Variants in ABCA6 observed in about 807,000 individuals in gnomAD.
The protein encoded by ABCA6 is ATP-binding cassette sub-family A member 6.
A neutral mutation model predicts 191.2 loss-of-function variants in ABCA6; 164 were observed. The ratio of observed to expected loss-of-function variants is 0.86; its 90% CI spans 0.76 to 0.98. The LOEUF is 0.98. Among genes scored for constraint, ABCA6 ranks in the 50% least tolerant of loss-of-function variants. The pLI is 0.00. For missense variants in ABCA6, 1,958 were observed against 1,894.1 expected (o/e 1.03, Z -0.63); for synonymous variants, 636 against 647.7 (o/e 0.98, Z 0.27).
intron 20 of ABCA6, chr17:69,104,440 C>T (rs1332553044): frequency 6.6e-6 from 1 of 151,786 alleles, no homozygotes; most frequent in African/African-American, 2.4e-5. Context: ...AAATGGAAAA[C>T]AAGAATGAGA....
chr17:69,128,499 TA>T, intron 8 of ABCA6, 119 bp downstream of exon 8: 1 of 685,276 alleles, frequency 1.5e-6, no homozygotes, highest in Non-Finnish European at 2.1e-6. Flanking sequence ...TTTTAAAGCT[TA>T]ACTTTAGAAA....
intron 8 of ABCA6, 71 bp downstream of exon 8, chr17:69,128,548 T>C: frequency 8.3e-7 from 1 of 1,204,212 alleles, no homozygotes; most frequent in Non-Finnish European, 1.1e-6. Flanking sequence ...TGAGTAGTGC[T>C]GATCCTACAG....
intron 7 of ABCA6, 69 bp downstream of exon 7, chr17:69,129,541 G>T: frequency 1.5e-6 from 2 of 1,327,228 alleles, no homozygotes; most frequent in Admixed American, 2.2e-5. Flanking sequence ...AACCTACTAG[G>T]GCATTAATAT....
At chr17:69,133,513 A>T in intron 6 of ABCA6, 128 bp downstream of exon 6, 4 of 712,604 alleles carry the variant, frequency 5.6e-6, no homozygotes, top group South Asian at 4.4e-5. Context: ...TAAGTAAAAA[A>T]CTCAGAACAA....
At chr17:69,134,500 G>A in intron 5 of ABCA6, 139 bp downstream of exon 5, 1 of 647,916 alleles carries the variant, frequency 1.5e-6, no homozygotes, top group Non-Finnish European at 2.6e-6. Flanking sequence ...ATAAATTTCT[G>A]TCCTTTACAA....
In ABCA6 at chr17:69,107,720, C is replaced by A; in HGVS notation, c.2365G>T (p.Glu789Ter). Residue 789 changes from glutamate (E) to a stop codon, truncating the protein, a stop_gained, in exon 18 of 39, where the codon GAA becomes TAA. Transcript: ENST00000284425. LOFTEE classifies it high-confidence loss of function. ...STLNEVFMKLEGQSTIEQDFE... is the reference protein window; with the variant it reads ...STLNEVFMKL ...CCTTGTTCGATAGTTGACTGTCCTT[C>A]CAGTTTCATAAAGACTTCATTTAGA... is the stretch of plus-strand genomic sequence containing the variant. 1 of 1,610,410 alleles carries A rather than the reference C, an allele frequency of 6.2e-7. No individual in the cohort carries two copies. The highest frequency in any genetic ancestry group is 2.2e-5 in the East Asian group (1 of 44,754).
Position 69,136,230 on chromosome 17 carries a change from G to A in ABCA6, c.322C>T (p.Pro108Ser), listed in dbSNP as rs2073946333. 6.4e-7 allele frequency: 1 copy of A among 1,574,280 alleles called. No individual in the cohort carries two copies. Among genetic ancestry groups the A allele is most frequent in the Non-Finnish European group, 8.6e-7 (1 of 1,160,580 alleles). ...LLKGTSVIGA[P>S]NKTHMDEILL... ...ATTTCGTCCATGTGTGTTTTATTTGGTGCCCCAATGACACTTGTTCCTGTG... is the reference window on the plus strand; with the variant it reads ...ATTTCGTCCATGTGTGTTTTATTTGATGCCCCAATGACACTTGTTCCTGTG... Residue 108 changes from proline (P) to serine (S), a missense_variant, in exon 4 of 39, where the codon CCA becomes TCA. By Grantham distance (74) the Pro-to-Ser change is moderately conservative (BLOSUM62 -1). Transcript: ENST00000284425.
chr17:69,079,171 A>G (rs1179870476), intron 38 of ABCA6, 39 bp downstream of exon 38: 2 of 1,596,646 alleles, frequency 1.3e-6, no homozygotes, highest in African/African-American at 2.7e-5. Flanking sequence ...TTTCATGTGA[A>G]ATTTACCAGA....
chr17:69,087,075 T>C (rs1003876419), intron 29 of ABCA6, among the ~76,000 whole-genome samples: 1 of 152,132 alleles, frequency 6.6e-6, no homozygotes, highest in Admixed American at 6.5e-5. Context: ...ACTCATGAGG[T>C]CTTGTTGGTT....
At position 69,110,938 on chromosome 17, in the gene ABCA6, A is replaced by C. The variant is rs765896020; in HGVS notation, c.2135T>G (p.Leu712Ter). 16 of 1,586,786 alleles carry C rather than the reference A, an allele frequency of 1.0e-5. No homozygotes were observed. The highest frequency in any genetic ancestry group is 1.2e-5 in the Non-Finnish European group (14 of 1,170,434). ...TGGGTTACATATTTCATTCCTATGTAAACTAATATTTAAAAGAAAAGATAA... is the reference window on the plus strand; with the variant it reads ...TGGGTTACATATTTCATTCCTATGTCAACTAATATTTAAAAGAAAAGATAA... ...RRWGLGYHLS[L>*]HRNEICNPEQ... The change falls in exon 17 of 39, where the codon TTA becomes TGA. Residue 712 changes from leucine to a stop codon, truncating the protein, a stop_gained and splice_region_variant. Coordinates refer to ENST00000284425, the MANE Select transcript of ABCA6 (RefSeq NM_080284.3). LOFTEE classifies it high-confidence loss of function.
chr17:69,078,901 A>G lies in ABCA6; in HGVS notation c.*72T>C. ...TTAATTTTAAATGATCTTTAAAATTAAACATACTATTAATTATTACATAAA... is the reference window on the plus strand; with the variant it reads ...TTAATTTTAAATGATCTTTAAAATTGAACATACTATTAATTATTACATAAA... On this transcript the variant is annotated 3_prime_UTR_variant, in exon 39 of 39. Coordinates refer to ENST00000284425, the MANE Select transcript of ABCA6 (RefSeq NM_080284.3). 1.2e-6 allele frequency: 1 copy of G among 818,958 alleles called. No homozygotes were observed. Among genetic ancestry groups the G allele is most frequent in the Non-Finnish European group, 1.8e-6 (1 of 551,340 alleles). 50.7% of individuals were successfully genotyped at this position (818,958 alleles called of 1,614,324 possible).
At chr17:69,105,320 T>C in intron 20 of ABCA6, 142 bp downstream of exon 20, 1 of 796,908 alleles carries the variant, frequency 1.3e-6, no homozygotes, top group Non-Finnish European at 2.0e-6. Context: ...AAATCTGCAC[T>C]GTTCCTCATA....
chr17:69,123,377 A>G lies in ABCA6; in HGVS notation c.1298T>C (p.Phe433Ser), dbSNP rs778797249. Residue 433 changes from phenylalanine (F) to serine (S), a missense_variant, in exon 10 of 39, where the codon TTT (phenylalanine) becomes TCT (serine). By Grantham distance (155) the Phe-to-Ser change is radical (BLOSUM62 -2). Transcript: ENST00000284425. The stretch of plus-strand genomic sequence containing the variant: ...GAAACAAGATGATGAATTCAAGAAA[A>G]ATAAAGGAGAATAATGGCGCTCATC... Reference protein sequence around the residue: ...YGDERHYSPLFFLNSSSCFQH... With the variant: ...YGDERHYSPLSFLNSSSCFQH... 2.0e-5 allele frequency: 30 copies of G among 1,521,940 alleles called. No homozygotes were observed. The highest frequency in any genetic ancestry group is 3.6e-5 in the Admixed American group (2 of 56,180). 94.3% of individuals were successfully genotyped at this position (1,521,940 alleles called of 1,614,324 possible).
chr17:69,087,005 A>C (rs2144615799), intron 29 of ABCA6, among the ~76,000 whole-genome samples: 1 of 152,274 alleles, frequency 6.6e-6, no homozygotes, highest in South Asian at 2.1e-4. Context: ...TAAACCTTAA[A>C]ATCTTAATCT....
Position 69,114,986 on chromosome 17 carries a change from A to G in ABCA6, c.1607-49T>C, listed in dbSNP as rs755377965. 1.8e-5 allele frequency: 24 copies of G among 1,357,980 alleles called. 1 individual carries two copies. In the South Asian group the frequency reaches 3.1e-4, roughly 17 times the overall value. 84.1% of individuals were successfully genotyped at this position (1,357,980 alleles called of 1,614,324 possible). On this transcript the variant is annotated intron_variant, in intron 12 of 38. Coordinates refer to ENST00000284425, the MANE Select transcript of ABCA6 (RefSeq NM_080284.3). ...AATTGGCAAGATAATACATTCTATT[A>G]ATATTCATAGATCTCATTTAAGAAA...
At position 69,088,266 on chromosome 17, in the gene ABCA6, C is replaced by A. The variant is rs771699504; in HGVS notation, c.3607-8G>T. 1.3e-5 allele frequency: 21 copies of A among 1,582,242 alleles called. No individual in the cohort carries two copies. The highest frequency in any genetic ancestry group is 1.6e-5 in the Non-Finnish European group (19 of 1,158,286). Reference sequence around the variant, plus strand: ...CAAAGTCTGAAAGTAGGGCTATGAGCAAAGAAATACAGTTATATTTAGGCA... The same window carrying A: ...CAAAGTCTGAAAGTAGGGCTATGAGAAAAGAAATACAGTTATATTTAGGCA... On this transcript the variant is annotated splice_region_variant and splice_polypyrimidine_tract_variant and intron_variant, in intron 27 of 38. Transcript: ENST00000284425.
At chr17:69,139,840 T>G (rs961538025) in intron 2 of ABCA6, among the ~76,000 whole-genome samples, 2 of 150,704 alleles carry the variant, frequency 1.3e-5, no homozygotes, top group African/African-American at 4.9e-5. Flanking sequence ...AGTAAACTAT[T>G]GCAAGGACAA....
intron 2 of ABCA6, among the ~76,000 whole-genome samples, chr17:69,137,961 C>G (rs1159780957): frequency 6.6e-6 from 1 of 152,192 alleles, no homozygotes; most frequent in Admixed American, 6.6e-5. Flanking sequence ...CAATGTCAAT[C>G]ATCATTACCT....
intron 20 of ABCA6, among the ~76,000 whole-genome samples, chr17:69,103,360 G>A (rs2073222384): frequency 6.6e-6 from 1 of 152,014 alleles, no homozygotes; most frequent in South Asian, 2.1e-4. Flanking sequence ...TCTCTTCCTT[G>A]TTCTTCCAAA....
Sources: gnomAD v4.1 joint callset for allele counts (sites outside exome capture counted in the v4.1 genomes callset) on GRCh38, gnomAD v4.1.1 for gene constraint, MANE v1.5 for transcripts, NCBI Gene and HGNC (gene_info 2026-07-23, HGNC 2026-07-21) for gene names.